The following TMEM132D variants were observed in gnomAD, a reference collection of about 807,000 sequenced individuals.
TMEM132D encodes mature OL transmembrane protein.
In TMEM132D, 21 loss-of-function variants were observed where a neutral mutation model predicts 62.3. That is an observed-to-expected ratio of 0.34 (90% CI 0.24 to 0.49). The LOEUF (loss-of-function observed/expected upper bound fraction) is 0.49, where lower values mean the gene tolerates loss of function less well. Ranked by LOEUF, TMEM132D falls within the 20% of genes least tolerant of loss-of-function variation. The pLI is 0.99. For missense variants in TMEM132D, 1,346 were observed against 1,402.8 expected (o/e 0.96, Z 0.65); for synonymous variants, 621 against 575.6 (o/e 1.08, Z -1.13).
intron 4 of TMEM132D, among the ~76,000 whole-genome samples, chr12:129,222,375 T>G (rs7298224): frequency 0.2 from 30,018 of 152,222 alleles, 3,163 homozygotes; most frequent in Non-Finnish European, 0.22. Context: ...ATAGCACGTA[T>G]CCACACTTCC....
At chr12:129,550,346 TG>T (rs768703386) in intron 2 of TMEM132D, among the ~76,000 whole-genome samples, 1 of 152,194 alleles carries the variant, frequency 6.6e-6, no homozygotes, top group Non-Finnish European at 1.5e-5. Context: ...AACTGTAAAA[TG>T]GGATTTGTCT....
chr12:129,844,529 A>G (rs1873297909), intron 1 of TMEM132D, among the ~76,000 whole-genome samples: 1 of 152,244 alleles, frequency 6.6e-6, no homozygotes, highest in African/African-American at 2.4e-5. Context: ...ACGGATGTTC[A>G]TCTGAACAGA....
At chr12:129,679,401 TA>T (rs1880724955) in intron 2 of TMEM132D, among the ~76,000 whole-genome samples, 2 of 152,086 alleles carry the variant, frequency 1.3e-5, no homozygotes, top group African/African-American at 4.8e-5. Flanking sequence ...AGCTCTTCCT[TA>T]ATACAGCAAA....
intron 5 of TMEM132D, among the ~76,000 whole-genome samples, chr12:129,180,210 G>GGGAGGA (rs61354153): frequency 0.052 from 7,766 of 149,852 alleles, 275 homozygotes; most frequent in African/African-American, 0.099. Context: ...ACAGATAGTG[G>GGGAGGA]GGAGGAGGAG....
chr12:129,845,682 T>C (rs1358208749), intron 1 of TMEM132D, among the ~76,000 whole-genome samples: 1 of 152,158 alleles, frequency 6.6e-6, no homozygotes, highest in African/African-American at 2.4e-5. Flanking sequence ...TCTAGTAAAA[T>C]TCAAATCAAA....
At chr12:129,349,923 C>T (rs1308888648) in intron 3 of TMEM132D, among the ~76,000 whole-genome samples, 2 of 152,148 alleles carry the variant, frequency 1.3e-5, no homozygotes, top group Admixed American at 1.3e-4. Flanking sequence ...GAATTCAGTA[C>T]CACCTTCACT....
At chr12:129,166,365 C>A (rs534140300) in intron 5 of TMEM132D, among the ~76,000 whole-genome samples, 1 of 151,962 alleles carries the variant, frequency 6.6e-6, no homozygotes, top group Admixed American at 6.6e-5. Flanking sequence ...TGAATGCGGG[C>A]GGAGCTCCAT....
intron 1 of TMEM132D, among the ~76,000 whole-genome samples, chr12:129,803,573 C>T (rs1253736852): frequency 1.3e-5 from 2 of 149,176 alleles, no homozygotes; most frequent in African/African-American, 2.5e-5. Context: ...ACTAAATGCC[C>T]ACAAGAGAAA....
At chr12:129,729,674 G>A (rs146947000) in intron 1 of TMEM132D, among the ~76,000 whole-genome samples, 1 of 152,118 alleles carries the variant, frequency 6.6e-6, no homozygotes, top group Non-Finnish European at 1.5e-5. Flanking sequence ...GGCATAAAGT[G>A]TTTGTTTCTT....
chr12:129,117,277 G>C (rs567492857), intron 5 of TMEM132D, among the ~76,000 whole-genome samples: 14 of 151,976 alleles, frequency 9.2e-5, no homozygotes, highest in Non-Finnish European at 1.8e-4. Context: ...AGGGGGAGGA[G>C]GGGGGAGGAA....
In TMEM132D at chr12:129,594,370, C is replaced by A. The variant is rs1340302435; in HGVS notation, c.969-63165G>T. Among the ~76,000 whole-genome samples the A allele has an allele frequency of 3.3e-5, 5 of 152,134 alleles. No individual in the cohort carries two copies. The East Asian group carries it at 7.7e-4, about 23-fold the overall frequency. ...TGCACACTAACGTCACATCAAAGTC[C>A]AGGGGAAATGAATATGTTGTTTTCA... On this transcript the variant is annotated intron_variant, in intron 2 of 8. Transcript: ENST00000422113.
At chr12:129,236,514 CA>C (rs60745384) in intron 4 of TMEM132D, among the ~76,000 whole-genome samples, 70 of 67,076 alleles carry the variant, frequency 1.0e-3, no homozygotes, top group East Asian at 3.9e-3. Context: ...GACTCCATCT[CA>C]AAAAAAAAAA....
At chr12:129,763,432 C>CT (rs3046897) in intron 1 of TMEM132D, among the ~76,000 whole-genome samples, 5,878 of 142,510 alleles carry the variant, frequency 0.041, 302 homozygotes, top group East Asian at 0.16. Flanking sequence ...AGATTTCTGG[C>CT]TTTTTTTTTT....
At chr12:129,372,125 C>A (rs1870621775) in intron 3 of TMEM132D, among the ~76,000 whole-genome samples, 1 of 152,216 alleles carries the variant, frequency 6.6e-6, no homozygotes, top group African/African-American at 2.4e-5. Context: ...GGGCAACCTC[C>A]AATCCAAAGC....
intron 4 of TMEM132D, among the ~76,000 whole-genome samples, chr12:129,331,478 C>G (rs1421086150): frequency 1.3e-5 from 2 of 152,136 alleles, no homozygotes; most frequent in Non-Finnish European, 2.9e-5. Flanking sequence ...ATTCTAATAA[C>G]TAAAACTTAG....
At chr12:129,186,427 A>G (rs1878223632) in intron 5 of TMEM132D, among the ~76,000 whole-genome samples, 1 of 152,052 alleles carries the variant, frequency 6.6e-6, no homozygotes, top group African/African-American at 2.4e-5. Flanking sequence ...GATGTCCTCT[A>G]TGTAGAAGAG....
chr12:129,566,641 G>C (rs1877375639), intron 2 of TMEM132D, among the ~76,000 whole-genome samples: 1 of 152,198 alleles, frequency 6.6e-6, no homozygotes, highest in South Asian at 2.1e-4. Context: ...AAATGGCCCT[G>C]CAAAGCTGTC....
chr12:129,762,784 G>C (rs752394798), intron 1 of TMEM132D, among the ~76,000 whole-genome samples: 14 of 152,072 alleles, frequency 9.2e-5, no homozygotes, highest in Non-Finnish European at 8.8e-5. Flanking sequence ...GAAAGCAACT[G>C]TTATCACTAT....
chr12:129,155,682 G>A (rs1877219390), intron 5 of TMEM132D, among the ~76,000 whole-genome samples: 1 of 152,224 alleles, frequency 6.6e-6, no homozygotes, highest in Non-Finnish European at 1.5e-5. Flanking sequence ...CCAAGAGCAG[G>A]TGGGAGAGTA....
Sources: gnomAD v4.1 joint callset for allele counts (sites outside exome capture counted in the v4.1 genomes callset) on GRCh38, gnomAD v4.1.1 for gene constraint, MANE v1.5 for transcripts, NCBI Gene and HGNC (gene_info 2026-07-23, HGNC 2026-07-21) for gene names.